Variants in GALNTL6 observed in about 807,000 individuals in gnomAD.
GALNTL6 encodes polypeptide N-acetylgalactosaminyltransferase-like 6.
A neutral mutation model predicts 73.7 loss-of-function variants in GALNTL6; 46 were observed. The ratio of observed to expected loss-of-function variants is 0.62; its 90% CI spans 0.49 to 0.80. GALNTL6 has a LOEUF of 0.80. Ranked by LOEUF, GALNTL6 falls within the 30% of genes least tolerant of loss-of-function variation. The probability of loss-of-function intolerance (pLI) is 0.00; values close to 1 mark genes in which losing one functional copy is unlikely to be tolerated. For synonymous variants in GALNTL6, 259 were observed against 263.7 expected (o/e 0.98, Z 0.17); for missense variants, 604 against 755.0 (o/e 0.80, Z 2.34).
chr4:172,825,122 CTTT>C lies in GALNTL6; in HGVS notation c.923+11400_923+11402del, dbSNP rs1560977587. On this transcript the variant is annotated intron_variant, in intron 7 of 12. Transcript: ENST00000506823. ...TCTTTCTTTCTTTCTTTCTTTCTTT[CTTT>C]CTTTCTTCCTTTCTTTCCTTTTTGG... 2.5e-3 allele frequency among the ~76,000 whole-genome samples: 208 copies of C among 84,604 alleles called. 4 individuals carry two copies. The East Asian group carries it at 0.047, about 19-fold the overall frequency. 55.5% of individuals were successfully genotyped at this position (84,604 alleles called of 152,430 possible). A position where few individuals can be genotyped will look rare whatever the true frequency, so the allele number is the denominator to read the frequency against.
At chr4:171,974,100 A>G (rs1739648292) in intron 2 of GALNTL6, among the ~76,000 whole-genome samples, 1 of 152,074 alleles carries the variant, frequency 6.6e-6, no homozygotes, top group Non-Finnish European at 1.5e-5. Flanking sequence ...CCCAGGCCCA[A>G]GCGATTCTTG....
chr4:172,927,403 C>T (rs553251996), intron 8 of GALNTL6, among the ~76,000 whole-genome samples: 9 of 152,226 alleles, frequency 5.9e-5, no homozygotes, highest in African/African-American at 1.9e-4. Flanking sequence ...TTTTGGTTAT[C>T]GGTGTTAGTA....
In GALNTL6 at chr4:173,036,549, T is replaced by C. The variant is rs563240816; in HGVS notation, c.1639-3384T>C. ...AGGAAGTAGTCCTGGATTCAAACTTTTGCATTTCCTCTCAAGGATTTCTAA... is the reference window on the plus strand; with the variant it reads ...AGGAAGTAGTCCTGGATTCAAACTTCTGCATTTCCTCTCAAGGATTTCTAA... On this transcript the variant is annotated intron_variant, in intron 12 of 12. Coordinates refer to ENST00000506823, the MANE Select transcript of GALNTL6 (RefSeq NM_001034845.3). 1.3e-3 allele frequency among the ~76,000 whole-genome samples: 191 copies of C among 152,286 alleles called. 3 individuals are homozygous for C. The South Asian group carries it at 0.038, about 30-fold the overall frequency.
chr4:172,154,283 T>A (rs903997150), intron 2 of GALNTL6, among the ~76,000 whole-genome samples: 43 of 152,056 alleles, frequency 2.8e-4, no homozygotes, highest in African/African-American at 1.0e-3. Flanking sequence ...CCCAGGCTGG[T>A]GTGCAATGGC....
At chr4:172,797,748 A>T (rs533824892) in intron 5 of GALNTL6, among the ~76,000 whole-genome samples, 1 of 152,192 alleles carries the variant, frequency 6.6e-6, no homozygotes, top group East Asian at 1.9e-4. Flanking sequence ...CAAGTTGGCC[A>T]GGTAGATCTC....
chr4:172,450,835 A>T lies in GALNTL6; in HGVS notation c.553+102146A>T, dbSNP rs181609844. 1.8e-4 allele frequency among the ~76,000 whole-genome samples: 27 copies of T among 152,354 alleles called. No homozygotes were observed. In the East Asian group the frequency reaches 4.8e-3, roughly 27 times the overall value. On this transcript the variant is annotated intron_variant, in intron 5 of 12. Transcript: ENST00000506823. ...GTCTCAACTCAAATGTTTTCTTCTC[A>T]GAGAAGTCTTTCCTACCTGAAATAG...
chr4:172,928,943 T>C (rs1309311216), intron 8 of GALNTL6, among the ~76,000 whole-genome samples: 2 of 152,238 alleles, frequency 1.3e-5, no homozygotes, highest in African/African-American at 4.8e-5. Context: ...GTGTGTTTTG[T>C]GCTACTCAGT....
intron 9 of GALNTL6, among the ~76,000 whole-genome samples, chr4:172,938,743 A>G (rs754397341): frequency 1.3e-5 from 2 of 152,222 alleles, no homozygotes; most frequent in African/African-American, 2.4e-5. Context: ...ATTTGAAACC[A>G]TCACTGAGTT....
intron 5 of GALNTL6, among the ~76,000 whole-genome samples, chr4:172,540,062 T>C (rs1735495206): frequency 6.8e-6 from 1 of 146,744 alleles, no homozygotes; most frequent in Non-Finnish European, 1.5e-5. Context: ...TTTTTTTTTT[T>C]TTTTTTTGAG....
intron 4 of GALNTL6, among the ~76,000 whole-genome samples, chr4:172,326,679 A>G (rs776975230): frequency 1.3e-5 from 2 of 151,936 alleles, no homozygotes. Context: ...AGTCAATGTG[A>G]TTATTGATAT....
chr4:172,354,303 A>G (rs908172046), intron 5 of GALNTL6, among the ~76,000 whole-genome samples: 2 of 152,144 alleles, frequency 1.3e-5, no homozygotes, highest in African/African-American at 4.8e-5. Flanking sequence ...AAATCAAACT[A>G]CAATATCAAA....
intron 5 of GALNTL6, among the ~76,000 whole-genome samples, chr4:172,628,189 T>C (rs1408350142): frequency 1.3e-5 from 2 of 152,172 alleles, no homozygotes; most frequent in Admixed American, 6.6e-5. Context: ...TTGTGACTAC[T>C]TAGTTGGTTT....
At chr4:172,075,107 C>A (rs114976076) in intron 2 of GALNTL6, among the ~76,000 whole-genome samples, 16 of 152,180 alleles carry the variant, frequency 1.1e-4, no homozygotes, top group Admixed American at 6.5e-4. Context: ...ATTTTCTAAT[C>A]GCCATGTTAT....
intron 5 of GALNTL6, among the ~76,000 whole-genome samples, chr4:172,407,200 A>G (rs549015404): frequency 6.6e-6 from 1 of 152,148 alleles, no homozygotes; most frequent in Non-Finnish European, 1.5e-5. Flanking sequence ...TTTAATTTTC[A>G]TGTTTATGAT....
At chr4:172,656,869 G>T (rs1731055388) in intron 5 of GALNTL6, among the ~76,000 whole-genome samples, 1 of 152,180 alleles carries the variant, frequency 6.6e-6, no homozygotes, top group Admixed American at 6.5e-5. Flanking sequence ...AACATGAATT[G>T]CTTGTAGGAG....
intron 3 of GALNTL6, among the ~76,000 whole-genome samples, chr4:172,301,109 C>A (rs949044309): frequency 6.6e-6 from 1 of 152,168 alleles, no homozygotes; most frequent in East Asian, 1.9e-4. Context: ...CTCTTCATTT[C>A]ATTCATTTGA....
chr4:171,946,232 A>G (rs1414401600), intron 2 of GALNTL6, among the ~76,000 whole-genome samples: 1 of 152,204 alleles, frequency 6.6e-6, no homozygotes, highest in African/African-American at 2.4e-5. Flanking sequence ...TATTTACAAA[A>G]TCAAAATGTC....
At chr4:172,853,803 G>A (rs1743969546) in intron 7 of GALNTL6, among the ~76,000 whole-genome samples, 1 of 152,116 alleles carries the variant, frequency 6.6e-6, no homozygotes, top group Admixed American at 6.5e-5. Flanking sequence ...TTTGCTTTAT[G>A]GAAACCTGCT....
chr4:172,788,158 C>T (rs867813796), intron 5 of GALNTL6, among the ~76,000 whole-genome samples: 1 of 151,310 alleles, frequency 6.6e-6, no homozygotes, highest in Non-Finnish European at 1.5e-5. Context: ...CCAGCCTGGG[C>T]AACACAGTGA....
Sources: gnomAD v4.1 joint callset for allele counts (sites outside exome capture counted in the v4.1 genomes callset) on GRCh38, gnomAD v4.1.1 for gene constraint, MANE v1.5 for transcripts, NCBI Gene and HGNC (gene_info 2026-07-23, HGNC 2026-07-21) for gene names.